The following APCDD1 variants were observed in gnomAD, a reference collection of about 807,000 sequenced individuals.
APCDD1 encodes APC down-regulated 1, also known as protein APCDD1.
Under a neutral mutation model 38.1 loss-of-function variants are expected in APCDD1, and 15 were observed. The ratio of observed to expected loss-of-function variants is 0.39; its 90% CI spans 0.26 to 0.61. The LOEUF is 0.61. Among genes scored for constraint, APCDD1 ranks in the 20% least tolerant of loss-of-function variants. APCDD1 has a pLI of 0.49. For synonymous variants in APCDD1, 261 were observed against 279.7 expected (o/e 0.93, Z 0.67); for missense variants, 647 against 696.2 (o/e 0.93, Z 0.79).
rs780267323 is a variant in APCDD1, at chr18:10,455,073, C to G, written c.58+34C>G. On this transcript the variant is annotated intron_variant, in intron 1 of 4. Transcript: ENST00000355285. ...CCGAGGGCCACTCGAGCGCTCCCAG[C>G]CGGCGGAGGCAGCCCGGGCGCCGCG... is the stretch of plus-strand genomic sequence containing the variant. 45 of 1,549,970 alleles carry G rather than the reference C, an allele frequency of 2.9e-5. No homozygotes were observed. In the South Asian group the frequency reaches 3.8e-4, roughly 13 times the overall value.
chr18:10,476,030 A>T lies in APCDD1; in HGVS notation c.774+3969A>T, dbSNP rs1310482394. 1.3e-5 allele frequency: 2 copies of T among 152,242 alleles called. No individual in the cohort carries two copies. The highest frequency in any genetic ancestry group is 1.3e-4 in the Admixed American group (2 of 15,286). 9.4% of individuals were successfully genotyped at this position (152,242 alleles called of 1,614,324 possible). The stretch of plus-strand genomic sequence containing the variant: ...TGTGTGCCCACGCGGGCCCAGCCAC[A>T]GCAGGTTGTCCGAGCTGTCTGTGGC... On this transcript the variant is annotated intron_variant, in intron 3 of 4. Transcript: ENST00000355285. The surrounding 1 kb of genome is among the most constrained non-coding windows in gnomAD (Gnocchi z 5.8).
Position 10,471,777 on chromosome 18 carries a change from G to A in APCDD1, c.490G>A (p.Gly164Ser), listed in dbSNP as rs1212065765. The A allele has an allele frequency of 4.3e-6, 7 of 1,612,922 alleles. No individual in the cohort carries two copies. The highest frequency in any genetic ancestry group is 3.3e-5 in the Admixed American group (2 of 59,972). The stretch of plus-strand genomic sequence containing the variant: ...CACAGAGGCGGTGGCCGAGAAGCTC[G>A]GCCAGCAGGTGAACCGCACATGCCC... Reference protein sequence around the residue: ...CHTEAVAEKLGQQVNRTCPGF... With the variant: ...CHTEAVAEKLSQQVNRTCPGF... The change falls in exon 3 of 5, where the codon GGC (glycine) becomes AGC (serine). Residue 164 changes from glycine to serine, a missense_variant. Coordinates refer to ENST00000355285, the MANE Select transcript of APCDD1 (RefSeq NM_153000.5). The surrounding 1 kb of genome is among the most constrained non-coding windows in gnomAD (Gnocchi z 5.5).
intron 1 of APCDD1, among the ~76,000 whole-genome samples, chr18:10,457,188 A>T (rs1465329937): frequency 6.6e-6 from 1 of 152,380 alleles, no homozygotes; most frequent in African/African-American, 2.4e-5. Context: ...TCATTGTTCA[A>T]GTTATAAATC....
Position 10,454,926 on chromosome 18 carries a change from T to G in APCDD1, c.-56T>G. ...GCGGAGGGCAGAGCGCGCGCCCAGT[T>G]GCCCGGGCACCAAATCGGAGCGCGG... On this transcript the variant is annotated 5_prime_UTR_variant, in exon 1 of 5. Coordinates refer to ENST00000355285, the MANE Select transcript of APCDD1 (RefSeq NM_153000.5). 6.8e-7 allele frequency: 1 copy of G among 1,471,388 alleles called. No homozygotes were observed. Among genetic ancestry groups the G allele is most frequent in the Non-Finnish European group, 9.0e-7 (1 of 1,106,668 alleles). 91.1% of individuals were successfully genotyped at this position (1,471,388 alleles called of 1,614,324 possible).
intron 3 of APCDD1, among the ~76,000 whole-genome samples, chr18:10,482,014 C>T (rs1207464651): frequency 4.6e-5 from 7 of 152,132 alleles, no homozygotes; most frequent in African/African-American, 1.4e-4. Context: ...CATTCTGGAA[C>T]AGCCCAGGCG....
At chr18:10,466,584 A>G (rs1406788448) in intron 1 of APCDD1, among the ~76,000 whole-genome samples, 1 of 152,206 alleles carries the variant, frequency 6.6e-6, no homozygotes, top group Non-Finnish European at 1.5e-5. Flanking sequence ...TGAATCAAGC[A>G]TGCTTGCTTC....
In APCDD1 at chr18:10,466,270, C is replaced by T. The variant is rs182226809; in HGVS notation, c.59-2199C>T. On this transcript the variant is annotated intron_variant, in intron 1 of 4. Transcript: ENST00000355285. ...AGATAACTACAACTGTTGAGGCTGG[C>T]AGAGGTCCAGTAAGCAGTCCCCTCT... Among the ~76,000 whole-genome samples the T allele has an allele frequency of 2.9e-3, 436 of 152,314 alleles. 3 individuals carry two copies. The highest frequency in any genetic ancestry group is 4.9e-3 in the Non-Finnish European group (336 of 68,026).
Position 10,469,513 on chromosome 18 carries a change from G to A in APCDD1, c.242+861G>A, listed in dbSNP as rs2030801098. Among the ~76,000 whole-genome samples, 1 of 152,096 alleles carries A rather than the reference G, an allele frequency of 6.6e-6. No individual in the cohort carries two copies. Among genetic ancestry groups the A allele is most frequent in the Non-Finnish European group, 1.5e-5 (1 of 68,038 alleles). ...ATTTTATTCAACAAATATTTATTGA[G>A]TGCCTACCATATGCCAAACACTATT... On this transcript the variant is annotated intron_variant, in intron 2 of 4. Transcript: ENST00000355285. The surrounding 1 kb of genome is among the most constrained non-coding windows in gnomAD (Gnocchi z 5.5).
rs779237976 is a variant in APCDD1, at chr18:10,468,627, A to G, written c.217A>G (p.Ile73Val). 8 of 1,613,606 alleles carry G rather than the reference A, an allele frequency of 5.0e-6. 1 individual carries two copies. Among genetic ancestry groups the G allele is most frequent in the South Asian group, 3.3e-5 (3 of 91,056 alleles). Residue 73 changes from isoleucine to valine, a missense_variant, in exon 2 of 5, where the codon ATC becomes GTC. Transcript: ENST00000355285. ...ARITVQMPPT[I>V]EGHWVSTGCE... ...GATCACAGTGCAGATGCCACCTACAATCGAGGGCCACTGGGTCTCCACAGG... is the reference window on the plus strand; with the variant it reads ...GATCACAGTGCAGATGCCACCTACAGTCGAGGGCCACTGGGTCTCCACAGG...
At position 10,488,707 on chromosome 18, in the gene APCDD1, A is replaced by G. The variant is rs1256822024; in HGVS notation, c.*669A>G. ...TTTCGAAGTAATTTAACCTATTTTT[A>G]CATCATTTGTCTTACCTTGTTGAGA... On this transcript the variant is annotated 3_prime_UTR_variant, in exon 5 of 5. Transcript: ENST00000355285. 2.0e-5 allele frequency: 3 copies of G among 152,310 alleles called. No individual in the cohort carries two copies. The highest frequency in any genetic ancestry group is 7.2e-5 in the African/African-American group (3 of 41,468). The allele number at this position is 152,310 out of a possible 1,614,324, so 9.4% of individuals were successfully genotyped here. A position where few individuals can be genotyped will look rare whatever the true frequency, so the allele number is the denominator to read the frequency against.
At chr18:10,462,797 G>A (rs557717321) in intron 1 of APCDD1, among the ~76,000 whole-genome samples, 10 of 151,944 alleles carry the variant, frequency 6.6e-5, no homozygotes, top group South Asian at 2.1e-4. Context: ...GTAGTTTGTT[G>A]GGAGCTGTTC....
rs1466083397 is a variant in APCDD1 at position 10,476,395 on chromosome 18, T to A, written c.774+4334T>A. On this transcript the variant is annotated intron_variant, in intron 3 of 4. Coordinates refer to ENST00000355285, the MANE Select transcript of APCDD1 (RefSeq NM_153000.5). This position sits in a 1 kb window ranked among gnomAD's most constrained non-coding sequence, Gnocchi z 5.8. ...AGGGTTCATTCAGGATGGAACTGGCTACTCTTCATTATAAAAAAGTCAAGA... is the reference window on the plus strand; with the variant it reads ...AGGGTTCATTCAGGATGGAACTGGCAACTCTTCATTATAAAAAAGTCAAGA... 1 of 152,218 alleles carries A rather than the reference T, an allele frequency of 6.6e-6. No homozygotes were observed. Among genetic ancestry groups the A allele is most frequent in the Non-Finnish European group, 1.5e-5 (1 of 68,044 alleles). The allele number at this position is 152,218 out of a possible 1,614,324, so 9.4% of individuals were successfully genotyped here.
chr18:10,489,564 T>A lies in APCDD1; in HGVS notation c.*1526T>A, dbSNP rs1660215080. On this transcript the variant is annotated 3_prime_UTR_variant, in exon 5 of 5. Coordinates refer to ENST00000355285, the MANE Select transcript of APCDD1 (RefSeq NM_153000.5). ...AATACAAAAAATTAGCCAGGCGTGG[T>A]GGTGGGCACCTGTAGTCCCAGCTAC... The A allele has an allele frequency of 6.6e-6, 1 of 152,116 alleles. No homozygotes were observed. The highest frequency in any genetic ancestry group is 2.4e-5 in the African/African-American group (1 of 41,384). The allele number at this position is 152,116 out of a possible 1,614,324, so 9.4% of individuals were successfully genotyped here. A position where few individuals can be genotyped will look rare whatever the true frequency, so the allele number is the denominator to read the frequency against.
chr18:10,481,816 T>G (rs1487780643), intron 3 of APCDD1, among the ~76,000 whole-genome samples: 1 of 133,684 alleles, frequency 7.5e-6, no homozygotes, highest in Admixed American at 7.8e-5. Context: ...GCCTGTGCTC[T>G]CCACAAGACA....
rs765912477 is a variant in APCDD1 at position 10,471,486 on chromosome 18, C to A, written c.243-44C>A. 7.4e-6 allele frequency: 12 copies of A among 1,611,612 alleles called. No homozygotes were observed. Among genetic ancestry groups the A allele is most frequent in the Non-Finnish European group, 1.0e-5 (12 of 1,177,858 alleles). ...TACTATAATGAATCTCTTTCCCATA[C>A]CTTCAGGCTTACAAAGGTCTCTTCT... is the stretch of plus-strand genomic sequence containing the variant. On this transcript the variant is annotated intron_variant, in intron 2 of 4. Transcript: ENST00000355285. The surrounding 1 kb of genome is among the most constrained non-coding windows in gnomAD (Gnocchi z 5.5).
At chr18:10,477,038 G>A (rs2031017938) in intron 3 of APCDD1, 1 of 152,322 alleles carries the variant, frequency 6.6e-6, no homozygotes, top group Admixed American at 6.5e-5. Flanking sequence ...CCAGCATGGA[G>A]GGACGTCTCC....
intron 3 of APCDD1, among the ~76,000 whole-genome samples, chr18:10,473,824 T>G (rs891194009): frequency 6.6e-6 from 1 of 152,168 alleles, no homozygotes; most frequent in African/African-American, 2.4e-5. Context: ...TTTCTCTTGT[T>G]TTATACTGGC....
Position 10,472,801 on chromosome 18 carries a change from T to A in APCDD1, c.774+740T>A, listed in dbSNP as rs1219509205. On this transcript the variant is annotated intron_variant, in intron 3 of 4. Transcript: ENST00000355285. This position sits in a 1 kb window ranked among gnomAD's most constrained non-coding sequence, Gnocchi z 6.6. ...ATAATGTCTTTTCCTTGAATGATAT[T>A]CTAGTAATTATATTTGGAATTCACA... 6.6e-6 allele frequency among the ~76,000 whole-genome samples: 1 copy of A among 152,202 alleles called. No individual in the cohort carries two copies. The highest frequency in any genetic ancestry group is 6.5e-5 in the Admixed American group (1 of 15,286).
chr18:10,480,237 A>G (rs1204219282), intron 3 of APCDD1, among the ~76,000 whole-genome samples: 1 of 152,182 alleles, frequency 6.6e-6, no homozygotes, highest in Non-Finnish European at 1.5e-5. Context: ...TACGGAGCAA[A>G]TGATACTCCA....
Sources: allele counts gnomAD v4.1 joint callset (sites outside exome capture counted in the v4.1 genomes callset), GRCh38; gene constraint gnomAD v4.1.1; non-coding constraint Gnocchi (gnomAD v3.1); transcripts MANE v1.5; gene names NCBI Gene and HGNC (gene_info 2026-07-23, HGNC 2026-07-21).